The following PCDHA9 variants were observed in gnomAD, a reference collection of about 807,000 sequenced individuals.
PCDHA9 encodes the protein protocadherin alpha-9.
PCDHA9 carries 62 observed loss-of-function variants against 62.0 expected under a neutral mutation model. The observed-to-expected ratio is 1.00, with a 90% CI of 0.81 to 1.23. The LOEUF is 1.23. Among genes scored for constraint, PCDHA9 ranks in the 50% most tolerant of loss-of-function variants. The pLI, the probability that PCDHA9 is intolerant of heterozygous loss-of-function variation, is 0.00. For synonymous variants in PCDHA9, 557 were observed against 567.6 expected, an observed-to-expected ratio of 0.98 and a Z score of 0.27; for missense variants, 1,205 against 1,249.8, an observed-to-expected ratio of 0.96 and a Z score of 0.54.
At chr5:140,978,740 A>G (rs2096821027) in intron 1 of PCDHA9, among the ~76,000 whole-genome samples, 1 of 152,254 alleles carries the variant, frequency 6.6e-6, no homozygotes, top group Non-Finnish European at 1.5e-5. Flanking sequence ...CTTCCAGGGT[A>G]TCTAATCTGT....
At chr5:140,871,080 G>T (rs1554165086) in intron 1 of PCDHA9, 2 of 1,613,094 alleles carry the variant, frequency 1.2e-6, no homozygotes, top group Admixed American at 1.7e-5. Context: ...CGGCGCTGAC[G>T]GCCACGGCCA....
intron 1 of PCDHA9, chr5:140,968,903 A>G: frequency 6.2e-7 from 1 of 1,614,216 alleles, no homozygotes; most frequent in Non-Finnish European, 8.5e-7. Context: ...AATAGCATTA[A>G]GCACAGTGTC....
chr5:140,967,140 C>T (rs781814682), intron 1 of PCDHA9: 4 of 1,611,022 alleles, frequency 2.5e-6, no homozygotes, highest in East Asian at 2.2e-5. Flanking sequence ...GAAGTGCTGG[C>T]GCACAACCCC....
chr5:140,863,595 A>T (rs976338326), intron 1 of PCDHA9: 15 of 357,408 alleles, frequency 4.2e-5, no homozygotes, highest in Admixed American at 3.4e-4. Flanking sequence ...AAAGTATTTC[A>T]TTCCTATTAA....
At chr5:140,958,586 T>A (rs561856247) in intron 1 of PCDHA9, among the ~76,000 whole-genome samples, 11 of 152,266 alleles carry the variant, frequency 7.2e-5, no homozygotes, top group African/African-American at 2.6e-4. Flanking sequence ...TAAATGAGCT[T>A]ATGATAATTG....
In PCDHA9 at chr5:140,891,714, A is replaced by T. The variant is rs147881763; in HGVS notation, c.2394+40825A>T. On this transcript the variant is annotated intron_variant, in intron 1 of 3. Transcript: ENST00000532602. ...GCTGTTGTCTGAATTTGTACCCCCA[A>T]ATTCATGTGTTGAAAATTCAATCCC... Among the ~76,000 whole-genome samples the T allele has an allele frequency of 2.6e-5, 4 of 152,262 alleles. No individual in the cohort carries two copies. In the East Asian group the frequency reaches 5.8e-4, roughly 22 times the overall value.
intron 1 of PCDHA9, among the ~76,000 whole-genome samples, chr5:140,920,933 C>G (rs1293177470): frequency 6.6e-6 from 1 of 151,360 alleles, no homozygotes; most frequent in Non-Finnish European, 1.5e-5. Flanking sequence ...GGTGATCTAG[C>G]CCTTTCATTC....
intron 1 of PCDHA9, among the ~76,000 whole-genome samples, chr5:140,923,038 T>C (rs529637754): frequency 1.2e-4 from 19 of 152,316 alleles, no homozygotes; most frequent in Admixed American, 1.0e-3. Context: ...TTACTACATG[T>C]ATAGTATTTA....
intron 1 of PCDHA9, chr5:140,883,818 T>A (rs1349664661): frequency 6.2e-7 from 1 of 1,612,072 alleles, no homozygotes; most frequent in African/African-American, 1.3e-5. Flanking sequence ...AGCGGCAAGG[T>A]GTACGCGCTG....
intron 1 of PCDHA9, among the ~76,000 whole-genome samples, chr5:140,921,929 A>C (rs2080500807): frequency 6.6e-6 from 1 of 152,126 alleles, no homozygotes; most frequent in African/African-American, 2.4e-5. Flanking sequence ...CTTATAGTCA[A>C]TATAATTTTA....
intron 1 of PCDHA9, among the ~76,000 whole-genome samples, chr5:140,938,097 A>AT (rs775272450): frequency 6.6e-6 from 1 of 151,930 alleles, no homozygotes; most frequent in Non-Finnish European, 1.5e-5. Flanking sequence ...TTATTATTGT[A>AT]TTTTTTACTT....
At chr5:140,896,541 T>C (rs2065612579) in intron 1 of PCDHA9, among the ~76,000 whole-genome samples, 1 of 151,728 alleles carries the variant, frequency 6.6e-6, no homozygotes, top group South Asian at 2.1e-4. Flanking sequence ...TTTTTCTTTT[T>C]TTTTTTTGTA....
rs116743674 is a variant in PCDHA9, at chr5:140,927,144, A to G, written c.2395-51805A>G. On this transcript the variant is annotated intron_variant, in intron 1 of 3. Transcript: ENST00000532602. ...TGGTCAGAGAGCCGGCGGACCGCGA[A>G]CAGCTGTGCAGGGCCAAAGCTGCCT... 3.2e-3 allele frequency: 5,191 copies of G among 1,614,096 alleles called. 26 individuals are homozygous for G. The highest frequency in any genetic ancestry group is 0.019 in the African/African-American group (1,449 of 75,034).
chr5:140,929,080 A>G, intron 1 of PCDHA9: 1 of 1,614,180 alleles, frequency 6.2e-7, no homozygotes, highest in Non-Finnish European at 8.5e-7. Context: ...GTATGGAAGT[A>G]AGATGGTTTC....
Position 140,851,603 on chromosome 5 carries a change from A to C in PCDHA9, c.2394+714A>C, listed in dbSNP as rs1213150378. 1.6e-5 allele frequency: 15 copies of C among 916,732 alleles called. No individual in the cohort carries two copies. In the African/African-American group the frequency reaches 2.5e-4, roughly 15 times the overall value. The allele number at this position is 916,732 out of a possible 1,614,324, so 56.8% of individuals were successfully genotyped here. On this transcript the variant is annotated intron_variant, in intron 1 of 3. Coordinates refer to ENST00000532602, the MANE Select transcript of PCDHA9 (RefSeq NM_031857.2). ...ACATTTTTTGAAATTCAGTTTACAG[A>C]AATTGGAGAAAATGCTTTTTAAACA...
At chr5:140,857,543 G>A (rs782244721) in intron 1 of PCDHA9, 2 of 1,597,220 alleles carry the variant, frequency 1.3e-6, no homozygotes, top group Admixed American at 3.4e-5. Context: ...GCGGCGGTTG[G>A]GCGAGCGCTC....
intron 3 of PCDHA9, among the ~76,000 whole-genome samples, chr5:140,999,429 A>G (rs1554256798): frequency 6.6e-6 from 1 of 152,190 alleles, no homozygotes. Flanking sequence ...GAGGCCAAGT[A>G]CCTTGCCTCT....
intron 1 of PCDHA9, among the ~76,000 whole-genome samples, chr5:140,976,124 C>G (rs1554237320): frequency 6.6e-6 from 1 of 152,158 alleles, no homozygotes. Flanking sequence ...CAAGTTTAAT[C>G]AAGTTCTGGA....
At chr5:140,945,304 C>T (rs993719774) in intron 1 of PCDHA9, among the ~76,000 whole-genome samples, 3 of 151,880 alleles carry the variant, frequency 2.0e-5, no homozygotes, top group African/African-American at 7.3e-5. Flanking sequence ...TTGAAGAAGA[C>T]ACAAATAAAT....
Sources: allele counts gnomAD v4.1 joint callset (sites outside exome capture counted in the v4.1 genomes callset), GRCh38; gene constraint gnomAD v4.1.1; transcripts MANE v1.5; gene names NCBI Gene and HGNC (gene_info 2026-07-23, HGNC 2026-07-21).